Variants in GRID1 observed in about 807,000 individuals in gnomAD.
GRID1 encodes the protein glutamate ionotropic receptor delta type subunit 1.
A neutral mutation model predicts 98.0 loss-of-function variants in GRID1; 28 were observed. That is an observed-to-expected ratio of 0.29 (90% CI 0.21 to 0.39). GRID1 has a LOEUF of 0.39. GRID1 is among the 10% of genes least tolerant of loss of function. The pLI, the probability that GRID1 is intolerant of heterozygous loss-of-function variation, is 1.00. For synonymous variants in GRID1, 553 were observed against 538.5 expected, an observed-to-expected ratio of 1.03 and a Z score of -0.37; for missense variants, 1,111 against 1,340.5, an observed-to-expected ratio of 0.83 and a Z score of 2.67.
chr10:86,196,152 C>T (rs1232142448), intron 3 of GRID1, among the ~76,000 whole-genome samples: 1 of 152,028 alleles, frequency 6.6e-6, no homozygotes, highest in African/African-American at 2.4e-5. Context: ...CTCAAATATG[C>T]CATGCCATTC....
intron 4 of GRID1, among the ~76,000 whole-genome samples, chr10:86,010,459 C>T (rs956988323): frequency 6.6e-6 from 1 of 152,104 alleles, no homozygotes; most frequent in Non-Finnish European, 1.5e-5. Context: ...AGGGACCAGA[C>T]CATGTTGGCA....
chr10:85,669,620 T>G (rs927840102), intron 12 of GRID1, among the ~76,000 whole-genome samples: 2 of 152,198 alleles, frequency 1.3e-5, no homozygotes, highest in African/African-American at 4.8e-5. Flanking sequence ...CCAGCCCCGC[T>G]TCTCATGACT....
intron 4 of GRID1, among the ~76,000 whole-genome samples, chr10:86,088,027 G>A (rs942768314): frequency 3.3e-5 from 5 of 152,150 alleles, no homozygotes; most frequent in Admixed American, 6.5e-5. Flanking sequence ...CAACAACCGC[G>A]GACTGTTCCA....
In GRID1 at chr10:85,854,622, A is replaced by G. The variant is rs1843090952; in HGVS notation, c.1114-7T>C. The G allele has an allele frequency of 6.2e-7, 1 of 1,614,002 alleles. No homozygotes were observed. Among genetic ancestry groups the G allele is most frequent in the Non-Finnish European group, 8.5e-7 (1 of 1,179,918 alleles). ...TGAGGCCAGTGATGTGGCCCTGCAGAAGAGGAGAAAAACCCATTGGAAAAT... is the reference window on the plus strand; with the variant it reads ...TGAGGCCAGTGATGTGGCCCTGCAGGAGAGGAGAAAAACCCATTGGAAAAT... On this transcript the variant is annotated splice_polypyrimidine_tract_variant and splice_region_variant and intron_variant, in intron 7 of 15. Coordinates refer to ENST00000327946, the MANE Select transcript of GRID1 (RefSeq NM_017551.3).
chr10:86,227,045 T>C (rs1325925365), intron 2 of GRID1, among the ~76,000 whole-genome samples: 2 of 152,144 alleles, frequency 1.3e-5, no homozygotes, highest in African/African-American at 4.8e-5. Context: ...CGCCTGCAGC[T>C]GGTGGAAAGG....
chr10:86,329,019 C>T (rs1848097833), intron 2 of GRID1, among the ~76,000 whole-genome samples: 1 of 152,230 alleles, frequency 6.6e-6, no homozygotes, highest in Non-Finnish European at 1.5e-5. Flanking sequence ...CCCAAAAGCC[C>T]TGTCACTATG....
intron 8 of GRID1, among the ~76,000 whole-genome samples, chr10:85,829,156 A>T (rs1462623734): frequency 1.3e-5 from 2 of 152,228 alleles, no homozygotes; most frequent in Admixed American, 6.5e-5. Context: ...AGTTCAGCAT[A>T]TACAAATTAA....
At chr10:85,957,014 G>T (rs1842203262) in intron 4 of GRID1, among the ~76,000 whole-genome samples, 1 of 152,194 alleles carries the variant, frequency 6.6e-6, no homozygotes, top group Non-Finnish European at 1.5e-5. Flanking sequence ...TTCTTCACAT[G>T]GTGGCAGGAG....
rs1470286241 is a variant in GRID1, at chr10:85,599,821, A to ATATATATATATATAT, written c.*2451_*2452insATATATATATATATA. ...AAAAAAAATATATATATATATATAT[A>ATATATATATATATAT]AACATGGTGAAGAATAACACCATGA... is the stretch of plus-strand genomic sequence containing the variant. On this transcript the variant is annotated 3_prime_UTR_variant, in exon 16 of 16. Transcript: ENST00000327946. The ATATATATATATATAT allele has an allele frequency of 2.3e-5, 3 of 129,332 alleles. No individual in the cohort carries two copies. The highest frequency in any genetic ancestry group is 2.5e-4 in the South Asian group (1 of 4,016). The allele number at this position is 129,332 out of a possible 1,614,324, so 8.0% of individuals were successfully genotyped here. A position where few individuals can be genotyped will look rare whatever the true frequency, so the allele number is the denominator to read the frequency against.
intron 2 of GRID1, among the ~76,000 whole-genome samples, chr10:86,263,610 T>C (rs1048320338): frequency 1.3e-5 from 2 of 152,216 alleles, no homozygotes; most frequent in Non-Finnish European, 2.9e-5. Flanking sequence ...CACTCACTAG[T>C]TGTGGGACCT....
intron 2 of GRID1, among the ~76,000 whole-genome samples, chr10:86,270,302 C>T (rs1326717129): frequency 3.9e-5 from 6 of 152,184 alleles, no homozygotes; most frequent in Admixed American, 3.9e-4. Context: ...CTATCCACCT[C>T]ACTCCAACAA....
intron 4 of GRID1, among the ~76,000 whole-genome samples, chr10:86,054,702 A>C (rs1843549330): frequency 6.6e-6 from 1 of 152,222 alleles, no homozygotes; most frequent in African/African-American, 2.4e-5. Context: ...ACTATCAAGC[A>C]CTATAAGAAC....
At chr10:85,740,799 T>C (rs1190575176) in intron 8 of GRID1, among the ~76,000 whole-genome samples, 1 of 151,958 alleles carries the variant, frequency 6.6e-6, no homozygotes, top group African/African-American at 2.4e-5. Context: ...TCACCCAGGC[T>C]GGAGTGCAGT....
chr10:85,897,098 C>T (rs1841303843), intron 5 of GRID1, among the ~76,000 whole-genome samples: 2 of 152,022 alleles, frequency 1.3e-5, no homozygotes, highest in African/African-American at 2.4e-5. Context: ...AAATAAATGA[C>T]GTATATAAGG....
chr10:85,820,310 G>C (rs564375706), intron 8 of GRID1, among the ~76,000 whole-genome samples: 1 of 152,070 alleles, frequency 6.6e-6, no homozygotes, highest in Non-Finnish European at 1.5e-5. Flanking sequence ...GGAGGAAAGA[G>C]CCACGATGAC....
intron 4 of GRID1, among the ~76,000 whole-genome samples, chr10:86,072,204 A>C (rs1230287568): frequency 6.6e-6 from 1 of 152,196 alleles, no homozygotes; most frequent in African/African-American, 2.4e-5. Flanking sequence ...TTCAAGTTTA[A>C]GGTAGTGTCT....
At chr10:85,744,473 G>A (rs1424695562) in intron 8 of GRID1, among the ~76,000 whole-genome samples, 1 of 150,210 alleles carries the variant, frequency 6.7e-6, no homozygotes, top group African/African-American at 2.5e-5. Context: ...AATGGGGAAA[G>A]GATTCCCTAT....
At chr10:85,842,726 C>T (rs1265768966) in intron 8 of GRID1, among the ~76,000 whole-genome samples, 1 of 152,072 alleles carries the variant, frequency 6.6e-6, no homozygotes, top group Admixed American at 6.6e-5. Context: ...ATCCCAATAA[C>T]CGTTAGAGAA....
rs1377127949 is a variant in GRID1 at position 85,639,612 on chromosome 10, G to A, written c.2193+7590C>T. On this transcript the variant is annotated intron_variant, in intron 13 of 15. Coordinates refer to ENST00000327946, the MANE Select transcript of GRID1 (RefSeq NM_017551.3). ...AAAAATCTTTTTCACGGTGGCTCAC[G>A]CCTGTAATCCCAGCACTTTGGGAGG... Among the ~76,000 whole-genome samples the A allele has an allele frequency of 1.8e-4, 27 of 152,276 alleles. 1 individual carries two copies. Among genetic ancestry groups the A allele is most frequent in the Admixed American group, 1.6e-3 (25 of 15,300 alleles).
Sources: allele counts gnomAD v4.1 joint callset (sites outside exome capture counted in the v4.1 genomes callset), GRCh38; gene constraint gnomAD v4.1.1; transcripts MANE v1.5; gene names NCBI Gene and HGNC (gene_info 2026-07-23, HGNC 2026-07-21).